Variants in DDX17 observed in about 807,000 individuals in gnomAD.
The protein encoded by DDX17 is DEAD-box helicase 17, also known as probable ATP-dependent RNA helicase DDX17.
A neutral mutation model predicts 80.8 loss-of-function variants in DDX17; 10 were observed. The observed-to-expected ratio is 0.12, with a 90% confidence interval of 0.08 to 0.21. DDX17 has a LOEUF of 0.21. DDX17 is among the 10% of genes least tolerant of loss of function. DDX17 has a pLI of 1.00. For missense variants in DDX17, 586 were observed against 957.4 expected (o/e 0.61, Z 5.12); for synonymous variants, 339 against 336.2 (o/e 1.01, Z -0.09).
chr22:38,492,399 A>C (rs1369065617), intron 10 of DDX17, among the ~76,000 whole-genome samples: 2 of 152,248 alleles, frequency 1.3e-5, no homozygotes, highest in African/African-American at 4.8e-5. Context: ...AGACACAACC[A>C]AAAGTTGGGG....
At chr22:38,501,106 A>G (rs751883925) in intron 2 of DDX17, 24 bp downstream of exon 2, 2 of 1,610,530 alleles carry the variant, frequency 1.2e-6, no homozygotes, top group African/African-American at 2.7e-5. Flanking sequence ...TAATCTGTAC[A>G]TTAAAACACA....
In DDX17 at chr22:38,484,763, A is replaced by T. The variant is rs2089638009; in HGVS notation, c.*1172T>A. On this transcript the variant is annotated 3_prime_UTR_variant, in exon 13 of 13. Coordinates refer to ENST00000403230, the MANE Select transcript of DDX17 (RefSeq NM_006386.5). ...GCTTTAGTCCTCCATGACTTTTCTT[A>T]AGCACTACCTACCTGTAATAAGCTG... 6.6e-6 allele frequency: 1 copy of T among 152,232 alleles called. No homozygotes were observed. Among genetic ancestry groups the T allele is most frequent in the Non-Finnish European group, 1.5e-5 (1 of 68,042 alleles). 9.4% of individuals were successfully genotyped at this position (152,232 alleles called of 1,614,324 possible). A position where few individuals can be genotyped will look rare whatever the true frequency, so the allele number is the denominator to read the frequency against.
Position 38,486,003 on chromosome 22 carries a change from C to T in DDX17, c.2122G>A (p.Gly708Ser). 1 of 1,613,834 alleles carries T rather than the reference C, an allele frequency of 6.2e-7. No individual in the cohort carries two copies. Among genetic ancestry groups the T allele is most frequent in the African/African-American group, 1.3e-5 (1 of 74,908 alleles). ...TGGTAGGCAGTCTGCCCCATGTAAC[C>T]TATCATATTGGTAGCTCCCGGAGGC... Residue 708 changes from glycine to serine, a missense_variant, in exon 13 of 13, where the codon GGT becomes AGT. Gly to Ser is a moderately conservative substitution (Grantham distance 56). Around this residue, in one of 4 missense-constraint regions of DDX17, gnomAD observed 221 missense variants for 261.4 expected, o/e 0.85. Transcript: ENST00000403230.
intron 3 of DDX17, among the ~76,000 whole-genome samples, chr22:38,499,110 T>C (rs2089800737): frequency 6.6e-6 from 1 of 152,210 alleles, no homozygotes; most frequent in Admixed American, 6.5e-5. Context: ...GGGAACATGG[T>C]AGTCATTTAT....
In DDX17 at chr22:38,490,188, C is replaced by T. The variant is rs1452411545; in HGVS notation, c.1447+1868G>A. ...AGTCTACCCTGATGTTATCTGTGCA[C>T]TGCCACAATATTATCTTGCTGCCTT... On this transcript the variant is annotated intron_variant, in intron 11 of 12. Transcript: ENST00000403230. 2.5e-6 allele frequency: 3 copies of T among 1,198,098 alleles called. No homozygotes were observed. The African/African-American group carries it at 4.8e-5, about 19-fold the overall frequency. 74.2% of individuals were successfully genotyped at this position (1,198,098 alleles called of 1,614,324 possible).
intron 11 of DDX17, chr22:38,490,118 TG>T: frequency 8.7e-7 from 1 of 1,145,510 alleles, no homozygotes; most frequent in South Asian, 1.8e-5. Flanking sequence ...CACAGCTGGA[TG>T]GGGGCACACA....
intron 1 of DDX17, among the ~76,000 whole-genome samples, chr22:38,504,249 C>T (rs527365406): frequency 1.3e-5 from 2 of 152,350 alleles, no homozygotes; most frequent in African/African-American, 2.4e-5. Flanking sequence ...CTCAACACTT[C>T]TGTGACTTAT....
chr22:38,501,340 CAT>C (rs904412515), intron 1 of DDX17, 60 bp from the exon 2 acceptor site: 50 of 1,532,530 alleles, frequency 3.3e-5, no homozygotes, highest in Non-Finnish European at 4.3e-5. Context: ...TCGTACATGC[CAT>C]AAGAATATTC....
At chr22:38,497,704 A>G (rs1162961700) in intron 5 of DDX17, among the ~76,000 whole-genome samples, 2 of 150,724 alleles carry the variant, frequency 1.3e-5, no homozygotes, top group Non-Finnish European at 3.0e-5. Flanking sequence ...AGGTGGGCTG[A>G]TCACCTCAGG....
At chr22:38,488,346 A>G (rs1471300225) in intron 11 of DDX17, 3 of 1,402,904 alleles carry the variant, frequency 2.1e-6, no homozygotes, top group Non-Finnish European at 1.9e-6. Flanking sequence ...TTGGCTGTAG[A>G]ATCCTAAGGG....
intron 1 of DDX17, among the ~76,000 whole-genome samples, chr22:38,504,818 C>G (rs1214133878): frequency 6.6e-6 from 1 of 152,082 alleles, no homozygotes; most frequent in African/African-American, 2.4e-5. Context: ...AGGCAATTAT[C>G]ACGTTCCTCA....
intron 10 of DDX17, 53 bp from the exon 11 acceptor site, chr22:38,492,168 C>A: frequency 6.8e-7 from 1 of 1,460,308 alleles, no homozygotes; most frequent in Admixed American, 1.9e-5. Context: ...GCTATCTGAT[C>A]TGTTTACATA....
chr22:38,500,003 GAA>G (rs757457562), intron 2 of DDX17, among the ~76,000 whole-genome samples: 1 of 141,010 alleles, frequency 7.1e-6, no homozygotes, highest in African/African-American at 2.6e-5. Flanking sequence ...CGTCTCTACT[GAA>G]AAAAAAAAAA....
At position 38,489,362 on chromosome 22, in the gene DDX17, G is replaced by C; in HGVS notation, c.1448-1247C>G. The stretch of plus-strand genomic sequence containing the variant: ...CTGGAGCGCGGGGAGCATGCATCAA[G>C]GGTCCGTGGCAGTGAGAAGTCCCCA... On this transcript the variant is annotated intron_variant, in intron 11 of 12. Coordinates refer to ENST00000403230, the MANE Select transcript of DDX17 (RefSeq NM_006386.5). This position sits in a 1 kb window ranked among gnomAD's most constrained non-coding sequence, Gnocchi z 4.6. 1.0e-6 allele frequency: 1 copy of C among 985,722 alleles called. No individual in the cohort carries two copies. The highest frequency in any genetic ancestry group is 1.2e-6 in the Non-Finnish European group (1 of 829,916). The allele number at this position is 985,722 out of a possible 1,614,324, so 61.1% of individuals were successfully genotyped here.
In DDX17 at chr22:38,485,690, ATATATT is replaced by A; in HGVS notation, c.*239_*244del. Reference sequence around the variant, plus strand: ...CTTCCAGTCAGCTATATATATATATATATATTTTTTTTTTTTTTACAAAATGTTATT... The same window carrying A: ...CTTCCAGTCAGCTATATATATATATATTTTTTTTTTTTACAAAATGTTATT... On this transcript the variant is annotated 3_prime_UTR_variant, in exon 13 of 13. Transcript: ENST00000403230. The A allele has an allele frequency of 6.6e-5, 4 of 60,554 alleles. No homozygotes were observed. Among genetic ancestry groups the A allele is most frequent in the Non-Finnish European group, 1.0e-4 (3 of 28,722 alleles). The allele number at this position is 60,554 out of a possible 1,614,324, so 3.8% of individuals were successfully genotyped here.
intron 11 of DDX17, chr22:38,491,616 G>T: frequency 6.4e-6 from 1 of 155,834 alleles, no homozygotes; most frequent in Non-Finnish European, 1.4e-5. Flanking sequence ...TCATAAAACT[G>T]GACCTCTCTG....
rs2089691512 is a variant in DDX17 at position 38,489,275 on chromosome 22, T to C, written c.1448-1160A>G. ...TGGGAAACCGCTGCAGCCGATCCCG[T>C]CTCTTTGCCTTTTATTTTTGGCGGC... On this transcript the variant is annotated intron_variant, in intron 11 of 12. Coordinates refer to ENST00000403230, the MANE Select transcript of DDX17 (RefSeq NM_006386.5). The surrounding 1 kb of genome is among the most constrained non-coding windows in gnomAD (Gnocchi z 4.6). The C allele has an allele frequency of 1.0e-6, 1 of 985,764 alleles. No homozygotes were observed. The highest frequency in any genetic ancestry group is 1.2e-6 in the Non-Finnish European group (1 of 829,916). 61.1% of individuals were successfully genotyped at this position (985,764 alleles called of 1,614,324 possible). A position where few individuals can be genotyped will look rare whatever the true frequency, so the allele number is the denominator to read the frequency against.
At chr22:38,487,030 T>A (rs990056706) in intron 12 of DDX17, among the ~76,000 whole-genome samples, 2 of 152,094 alleles carry the variant, frequency 1.3e-5, no homozygotes, top group African/African-American at 4.8e-5. Flanking sequence ...TAGCTGGACA[T>A]GGTGGCACAT....
intron 1 of DDX17, among the ~76,000 whole-genome samples, chr22:38,502,242 C>T (rs2089838019): frequency 6.6e-6 from 1 of 152,088 alleles, no homozygotes; most frequent in Non-Finnish European, 1.5e-5. Context: ...GAAACCCTGT[C>T]TCTTACTAAA....
Sources: gnomAD v4.1 joint callset for allele counts (sites outside exome capture counted in the v4.1 genomes callset) on GRCh38, gnomAD v4.1.1 for gene constraint, gnomAD v4.1.1 regional missense constraint, Gnocchi (gnomAD v3.1) non-coding constraint, MANE v1.5 for transcripts, NCBI Gene and HGNC (gene_info 2026-07-23, HGNC 2026-07-21) for gene names.